AGBL4: variants seen among roughly 807,000 people sequenced by gnomAD.
AGBL4 encodes the protein AGBL carboxypeptidase 4.
AGBL4 carries 58 observed loss-of-function variants against 66.4 expected under a neutral mutation model. The observed-to-expected ratio is 0.87, with a 90% CI of 0.71 to 1.09. The LOEUF (loss-of-function observed/expected upper bound fraction) is 1.09. Among genes scored for constraint, AGBL4 ranks in the 50% least tolerant of loss-of-function variants. The probability of loss-of-function intolerance (pLI) is 0.00; values close to 1 mark genes in which losing one functional copy is unlikely to be tolerated. For missense variants in AGBL4, 579 were observed against 631.0 expected (o/e 0.92, Z 0.88); for synonymous variants, 234 against 222.9 (o/e 1.05, Z -0.44).
At chr1:49,754,915 C>A (rs1651777731) in intron 2 of AGBL4, among the ~76,000 whole-genome samples, 2 of 152,154 alleles carry the variant, frequency 1.3e-5, no homozygotes, top group South Asian at 4.1e-4. Flanking sequence ...GAAGGATGAC[C>A]ACAGGCAGAA....
chr1:49,360,445 T>A (rs1224178608), intron 3 of AGBL4, among the ~76,000 whole-genome samples: 1 of 152,230 alleles, frequency 6.6e-6, no homozygotes, highest in Non-Finnish European at 1.5e-5. Flanking sequence ...TCTATAGTCA[T>A]TATAATTTTT....
chr1:48,531,930 C>T (rs552750790), downstream of AGBL4, among the ~76,000 whole-genome samples: 14 of 152,176 alleles, frequency 9.2e-5, 1 homozygote, highest in Admixed American at 6.5e-4. Context: ...ATTACAGGTG[C>T]GTGCCACCAC....
At chr1:49,117,004 C>T (rs1284664529) in intron 4 of AGBL4, among the ~76,000 whole-genome samples, 3 of 151,774 alleles carry the variant, frequency 2.0e-5, no homozygotes, top group Non-Finnish European at 2.9e-5. Flanking sequence ...TGTCTGTTGT[C>T]TGCATAAATG....
In AGBL4 at chr1:49,343,806, C is replaced by T. The variant is rs370010583; in HGVS notation, c.283-97942G>A. ...ATGTGAATGAGCTCTGATTAACTGG[C>T]TTAAAAATAATAAGTGTTTAAATCA... is the stretch of plus-strand genomic sequence containing the variant. On this transcript the variant is annotated intron_variant, in intron 3 of 13. Transcript: ENST00000371839. Among the ~76,000 whole-genome samples the T allele has an allele frequency of 1.6e-3, 236 of 152,164 alleles. 1 individual carries two copies. The highest frequency in any genetic ancestry group is 4.8e-3 in the African/African-American group (201 of 41,522).
intron 2 of AGBL4, among the ~76,000 whole-genome samples, chr1:49,745,065 T>G (rs1023130478): frequency 1.3e-5 from 2 of 152,108 alleles, no homozygotes; most frequent in African/African-American, 4.8e-5. Flanking sequence ...ACTTCATCAT[T>G]CATTAAATTA....
At chr1:49,801,787 T>TA (rs1557460997) in intron 2 of AGBL4, among the ~76,000 whole-genome samples, 1 of 152,170 alleles carries the variant, frequency 6.6e-6, no homozygotes. Flanking sequence ...GGCAATTTCT[T>TA]AAAAAGCATC....
chr1:48,709,254 G>C (rs912258908), intron 6 of AGBL4, among the ~76,000 whole-genome samples: 1 of 152,142 alleles, frequency 6.6e-6, no homozygotes, highest in Non-Finnish European at 1.5e-5. Context: ...TCTGAGCTAG[G>C]CTTTGTGGCT....
chr1:49,327,137 T>G (rs1570442233), intron 3 of AGBL4, among the ~76,000 whole-genome samples: 1 of 152,202 alleles, frequency 6.6e-6, no homozygotes, highest in African/African-American at 2.4e-5. Context: ...TTAGGCCCAC[T>G]TGGATAATCC....
intron 3 of AGBL4, among the ~76,000 whole-genome samples, chr1:49,515,892 G>C (rs1216944645): frequency 8.5e-6 from 1 of 117,180 alleles, no homozygotes; most frequent in Admixed American, 1.1e-4. Context: ...CTGTTGTGGG[G>C]TGGGGGGAGG....
chr1:49,626,764 A>G (rs907100706), intron 3 of AGBL4, among the ~76,000 whole-genome samples: 1 of 152,140 alleles, frequency 6.6e-6, no homozygotes, highest in African/African-American at 2.4e-5. Flanking sequence ...TTGAGAAAAT[A>G]TATAGTGCCT....
chr1:49,247,494 C>T (rs908751664), intron 3 of AGBL4, among the ~76,000 whole-genome samples: 1 of 152,090 alleles, frequency 6.6e-6, no homozygotes, highest in Non-Finnish European at 1.5e-5. Context: ...AATTCAATTA[C>T]TTCTCTCAGG....
chr1:49,738,285 C>T (rs1002841928), intron 2 of AGBL4, among the ~76,000 whole-genome samples: 10 of 152,226 alleles, frequency 6.6e-5, no homozygotes, highest in South Asian at 2.1e-4. Context: ...GGGGGTCCTA[C>T]GCCCACGGAG....
At chr1:49,160,066 A>G (rs139109147) in intron 4 of AGBL4, among the ~76,000 whole-genome samples, 91 of 152,202 alleles carry the variant, frequency 6.0e-4, no homozygotes, top group East Asian at 4.6e-3. Context: ...TACTTCTGTC[A>G]ATTTGTCAAA....
chr1:49,798,550 A>G (rs1383647331), intron 2 of AGBL4, among the ~76,000 whole-genome samples: 1 of 152,188 alleles, frequency 6.6e-6, no homozygotes, highest in Non-Finnish European at 1.5e-5. Flanking sequence ...TTTATTGTCT[A>G]GTTTGATTGT....
At chr1:48,862,171 A>T (rs908623605) in intron 6 of AGBL4, among the ~76,000 whole-genome samples, 1 of 152,134 alleles carries the variant, frequency 6.6e-6, no homozygotes, top group Non-Finnish European at 1.5e-5. Context: ...ACTGCTGCCC[A>T]TGAAGGCACA....
intron 3 of AGBL4, among the ~76,000 whole-genome samples, chr1:49,268,905 A>G (rs139862250): frequency 6.6e-6 from 1 of 152,226 alleles, no homozygotes; most frequent in African/African-American, 2.4e-5. Context: ...TTATACTATG[A>G]TTTTGCTGCT....
chr1:48,528,251 C>T (rs183066425), downstream of AGBL4, among the ~76,000 whole-genome samples: 4 of 152,156 alleles, frequency 2.6e-5, no homozygotes, highest in Non-Finnish European at 4.4e-5. Context: ...AGCAATGGGA[C>T]GTGGTGGTTG....
Position 48,663,250 on chromosome 1 carries a change from T to C in AGBL4, c.635-9A>G, listed in dbSNP as rs750633890. ...CCCTTCCCGGAGATTGTCTGTAAGATAAAATGAAAGATGGTTGCTAAGGAG... is the reference window on the plus strand; with the variant it reads ...CCCTTCCCGGAGATTGTCTGTAAGACAAAATGAAAGATGGTTGCTAAGGAG... On this transcript the variant is annotated splice_polypyrimidine_tract_variant and intron_variant, in intron 6 of 13. Coordinates refer to ENST00000371839, the MANE Select transcript of AGBL4 (RefSeq NM_032785.4). The C allele has an allele frequency of 5.6e-6, 9 of 1,613,812 alleles. No individual in the cohort carries two copies. Among genetic ancestry groups the C allele is most frequent in the South Asian group, 2.2e-5 (2 of 91,068 alleles).
At chr1:49,387,802 C>G (rs1191909011) in intron 3 of AGBL4, among the ~76,000 whole-genome samples, 1 of 151,894 alleles carries the variant, frequency 6.6e-6, no homozygotes, top group South Asian at 2.1e-4. Context: ...CTCTTCAGAT[C>G]GTTAATGCTT....
Sources: allele counts gnomAD v4.1 joint callset (sites outside exome capture counted in the v4.1 genomes callset), GRCh38; gene constraint gnomAD v4.1.1; transcripts MANE v1.5; gene names NCBI Gene and HGNC (gene_info 2026-07-23, HGNC 2026-07-21).